The following CTNNB1 variants were observed in gnomAD, a reference collection of about 807,000 sequenced individuals.
The protein encoded by CTNNB1 is catenin beta-1.
A neutral mutation model predicts 82.5 loss-of-function variants in CTNNB1; 6 were observed. That is an observed-to-expected ratio of 0.07 (90% confidence interval 0.04 to 0.14). The LOEUF (loss-of-function observed/expected upper bound fraction) is 0.14. Among genes scored for constraint, CTNNB1 ranks in the 10% least tolerant of loss-of-function variants. The probability of loss-of-function intolerance (pLI) is 1.00; values close to 1 mark genes in which losing one functional copy is unlikely to be tolerated. For synonymous variants in CTNNB1, 312 were observed against 329.7 expected (o/e 0.95, Z 0.58); for missense variants, 529 against 980.4 (o/e 0.54, Z 6.15).
At chr3:41,201,077 A>G (rs1265799165) in intron 1 of CTNNB1, among the ~76,000 whole-genome samples, 1 of 152,204 alleles carries the variant, frequency 6.6e-6, no homozygotes, top group Non-Finnish European at 1.5e-5. Context: ...TGTTTTTCAG[A>G]TCGCTAAGTT....
intron 1 of CTNNB1, among the ~76,000 whole-genome samples, chr3:41,210,640 G>A (rs2077759578): frequency 6.6e-6 from 1 of 152,030 alleles, no homozygotes; most frequent in South Asian, 2.1e-4. Context: ...ACCTCTTGAA[G>A]GACCTACCTG....
rs553969770 is a variant in CTNNB1 at position 41,206,014 on chromosome 3, A to G, written c.-49+6344A>G. On this transcript the variant is annotated intron_variant, in intron 1 of 14. Transcript: ENST00000349496. The stretch of plus-strand genomic sequence containing the variant: ...AAGGCTTTTCCACCCCCTCTTTATG[A>G]TGGTTTGAAGAGTGTGAACATCTGA... 5.9e-5 allele frequency among the ~76,000 whole-genome samples: 9 copies of G among 152,148 alleles called. No homozygotes were observed. The East Asian group carries it at 1.7e-3, about 29-fold the overall frequency.
rs1408577016 is a variant in CTNNB1, at chr3:41,225,986, A to G, written c.936+125A>G. The G allele has an allele frequency of 2.4e-6, 2 of 830,978 alleles. No individual in the cohort carries two copies. Among genetic ancestry groups the G allele is most frequent in the African/African-American group, 1.7e-5 (1 of 59,236 alleles). The allele number at this position is 830,978 out of a possible 1,614,324, so 51.5% of individuals were successfully genotyped here. On this transcript the variant is annotated intron_variant, in intron 6 of 14. Coordinates refer to ENST00000349496, the MANE Select transcript of CTNNB1 (RefSeq NM_001904.4). This position sits in a 1 kb window ranked among gnomAD's most constrained non-coding sequence, Gnocchi z 5.3. ...CAGTTTCGTGGAAAACAGTTTTTCC[A>G]TGAATGGGTTGTGGGAATGGTTTCT...
intron 1 of CTNNB1, among the ~76,000 whole-genome samples, chr3:41,203,287 A>G (rs1221575452): frequency 6.6e-6 from 1 of 152,090 alleles, no homozygotes; most frequent in Non-Finnish European, 1.5e-5. Flanking sequence ...ATCAACTAAG[A>G]AACCTTTGAT....
intron 1 of CTNNB1, among the ~76,000 whole-genome samples, chr3:41,207,328 G>A (rs1389820141): frequency 6.6e-6 from 1 of 152,168 alleles, no homozygotes; most frequent in Admixed American, 6.5e-5. Flanking sequence ...CATGCTTGAA[G>A]AGCGCCCTCA....
chr3:41,236,533 G>T (rs749670776), intron 12 of CTNNB1, 34 bp downstream of exon 12: 54 of 1,614,060 alleles, frequency 3.3e-5, no homozygotes, highest in Non-Finnish European at 4.2e-5. Context: ...TTTAGCAGAT[G>T]TGTACATTGA....
intron 7 of CTNNB1, among the ~76,000 whole-genome samples, chr3:41,230,414 C>CT (rs1380185515): frequency 6.6e-6 from 1 of 152,126 alleles, no homozygotes; most frequent in Non-Finnish European, 1.5e-5. Context: ...GCTTAGGAAT[C>CT]TTTAAGTTCT....
At chr3:41,236,261 C>T (rs2125645822) in intron 11 of CTNNB1, 88 bp from the exon 12 acceptor site, 1 of 1,498,074 alleles carries the variant, frequency 6.7e-7, no homozygotes, top group Admixed American at 1.7e-5. Flanking sequence ...CTCTTGCACT[C>T]TGAATTGGGA....
At chr3:41,216,099 A>G (rs1252848461) in intron 1 of CTNNB1, among the ~76,000 whole-genome samples, 2 of 152,182 alleles carry the variant, frequency 1.3e-5, no homozygotes, top group Non-Finnish European at 2.9e-5. Flanking sequence ...ATTTTAACTG[A>G]ACGGTTTATT....
chr3:41,208,010 CTT>C (rs2077689860), intron 1 of CTNNB1, among the ~76,000 whole-genome samples: 1 of 152,192 alleles, frequency 6.6e-6, no homozygotes, highest in African/African-American at 2.4e-5. Context: ...CACTGCCTGT[CTT>C]TATTTCAAGC....
At chr3:41,227,442 A>G (rs2125628913) in intron 7 of CTNNB1, 90 bp downstream of exon 7, 2 of 1,368,922 alleles carry the variant, frequency 1.5e-6, no homozygotes, top group South Asian at 1.2e-5. Context: ...TAGAACTTTA[A>G]CTACTGAAAA....
chr3:41,227,188 A>AT lies in CTNNB1; in HGVS notation c.937-19dup. 1 of 1,581,656 alleles carries AT rather than the reference A, an allele frequency of 6.3e-7. No individual in the cohort carries two copies. The highest frequency in any genetic ancestry group is 8.7e-7 in the Non-Finnish European group (1 of 1,151,496). ...ATCAAGATTCCTTGACTAACAAGAT[A>AT]TATATATATATCTTTCTAGCTCATC... is the stretch of plus-strand genomic sequence containing the variant. On this transcript the variant is annotated intron_variant, in intron 6 of 14. Transcript: ENST00000349496.
chr3:41,238,796 C>G (rs997628341), intron 14 of CTNNB1, among the ~76,000 whole-genome samples: 2 of 152,180 alleles, frequency 1.3e-5, no homozygotes, highest in Admixed American at 6.5e-5. Flanking sequence ...GGTGGTCACA[C>G]AGTAGATTCC....
chr3:41,201,484 G>A (rs571656204), intron 1 of CTNNB1, among the ~76,000 whole-genome samples: 16 of 152,260 alleles, frequency 1.1e-4, no homozygotes, highest in African/African-American at 3.9e-4. Flanking sequence ...AAGGCCCTGA[G>A]ATTATTGCAA....
intron 1 of CTNNB1, among the ~76,000 whole-genome samples, chr3:41,206,476 A>G (rs2077651666): frequency 6.6e-6 from 1 of 152,188 alleles, no homozygotes; most frequent in South Asian, 2.1e-4. Flanking sequence ...GTAAGAAGTT[A>G]AATTTACTGC....
chr3:41,218,759 G>A (rs984933870), intron 1 of CTNNB1, among the ~76,000 whole-genome samples: 9 of 152,180 alleles, frequency 5.9e-5, no homozygotes, highest in Admixed American at 1.3e-4. Context: ...GTTTCACCAT[G>A]TTGCCCAGGC....
At position 41,225,712 on chromosome 3, in the gene CTNNB1, T is replaced by A; in HGVS notation, c.787T>A (p.Leu263Ile). 6.2e-7 allele frequency: 1 copy of A among 1,614,166 alleles called. No individual in the cohort carries two copies. The highest frequency in any genetic ancestry group is 8.5e-7 in the Non-Finnish European group (1 of 1,180,000). Reference protein sequence around the residue: ...FYAITTLHNLLLHQEGAKMAV... With the variant: ...FYAITTLHNLILHQEGAKMAV... ...TGCCATTACAACTCTCCACAACCTT[T>A]TATTACATCAAGAAGGAGCTAAAAT... is the stretch of plus-strand genomic sequence containing the variant. The change falls in exon 6 of 15, where the codon TTA becomes ATA. Residue 263 changes from leucine to isoleucine, a missense_variant. Coordinates refer to ENST00000349496, the MANE Select transcript of CTNNB1 (RefSeq NM_001904.4). This position sits in a 1 kb window ranked among gnomAD's most constrained non-coding sequence, Gnocchi z 5.3.
chr3:41,210,191 C>T (rs966299109), intron 1 of CTNNB1, among the ~76,000 whole-genome samples: 12 of 152,110 alleles, frequency 7.9e-5, no homozygotes, highest in Admixed American at 3.9e-4. Context: ...CGGTGGCTCA[C>T]GCCTGTAATC....
At chr3:41,229,117 A>G (rs1034088361) in intron 7 of CTNNB1, among the ~76,000 whole-genome samples, 1 of 152,186 alleles carries the variant, frequency 6.6e-6, no homozygotes, top group Non-Finnish European at 1.5e-5. Flanking sequence ...TATTAACAGT[A>G]TAGCTTGAAG....
Sources: gnomAD v4.1 joint callset for allele counts (sites outside exome capture counted in the v4.1 genomes callset) on GRCh38, gnomAD v4.1.1 for gene constraint, Gnocchi (gnomAD v3.1) non-coding constraint, MANE v1.5 for transcripts, NCBI Gene and HGNC (gene_info 2026-07-23, HGNC 2026-07-21) for gene names.